The following RNF10 variants were observed in gnomAD, a reference collection of about 807,000 sequenced individuals.
The protein encoded by RNF10 is ring finger protein 10, also known as E3 ubiquitin-protein ligase RNF10.
In RNF10, 38 loss-of-function variants were observed where a neutral mutation model predicts 91.4. The observed-to-expected ratio is 0.42, with a 90% CI of 0.32 to 0.54. The LOEUF (loss-of-function observed/expected upper bound fraction) is 0.54, where lower values mean the gene tolerates loss of function less well. Among genes scored for constraint, RNF10 ranks in the 20% least tolerant of loss-of-function variants. The pLI, the probability that RNF10 is intolerant of heterozygous loss-of-function variation, is 0.16. For missense variants in RNF10, 945 were observed against 1,012.0 expected, an observed-to-expected ratio of 0.93 and a Z score of 0.90; for synonymous variants, 364 against 366.3, an observed-to-expected ratio of 0.99 and a Z score of 0.07.
At chr12:120,560,659 C>T in intron 6 of RNF10, 67 bp from the exon 7 acceptor site, 2 of 1,483,176 alleles carry the variant, frequency 1.3e-6, no homozygotes, top group Non-Finnish European at 1.8e-6. Context: ...TTTGAAAATT[C>T]CTATTTAGCT....
Position 120,577,074 on chromosome 12 carries a change from TCA to T in RNF10, c.*409_*410del, listed in dbSNP as rs1411289400. On this transcript the variant is annotated 3_prime_UTR_variant, in exon 17 of 17. Coordinates refer to ENST00000325954, the MANE Select transcript of RNF10 (RefSeq NM_014868.5). ...GGGCTTCCTGGACTCAGTACACCTC[TCA>T]GTTTGTCTTTTAAAAAACAGCTGAA... 2.7e-5 allele frequency: 11 copies of T among 412,676 alleles called. No homozygotes were observed. In the East Asian group the frequency reaches 7.0e-4, roughly 26 times the overall value. 25.6% of individuals were successfully genotyped at this position (412,676 alleles called of 1,614,324 possible). A position where few individuals can be genotyped will look rare whatever the true frequency, so the allele number is the denominator to read the frequency against.
rs566913888 is a variant in RNF10, at chr12:120,556,693, G to T, written c.646-589G>T. ...GGAAGTTACTGGTAGATTACTTCTA[G>T]ACCCTTTTTAGGCCTTTATGCATAC... On this transcript the variant is annotated intron_variant, in intron 4 of 16. Coordinates refer to ENST00000325954, the MANE Select transcript of RNF10 (RefSeq NM_014868.5). 1.9e-3 allele frequency among the ~76,000 whole-genome samples: 282 copies of T among 151,952 alleles called. 1 individual carries two copies. Among genetic ancestry groups the T allele is most frequent in the African/African-American group, 6.6e-3 (275 of 41,438 alleles).
At chr12:120,541,320 T>G (rs925289597) in intron 1 of RNF10, among the ~76,000 whole-genome samples, 1 of 152,172 alleles carries the variant, frequency 6.6e-6, no homozygotes, top group African/African-American at 2.4e-5. Flanking sequence ...TGTGTTTTCT[T>G]TATATACCTA....
At position 120,537,784 on chromosome 12, in the gene RNF10, G is replaced by T. The variant is rs1001096126; in HGVS notation, c.157+2816G>T. Among the ~76,000 whole-genome samples the T allele has an allele frequency of 2.6e-4, 40 of 152,136 alleles. 1 individual carries two copies. Among genetic ancestry groups the T allele is most frequent in the African/African-American group, 9.7e-4 (40 of 41,422 alleles). The stretch of plus-strand genomic sequence containing the variant: ...CTGTGCGTGTTCGTTTAGCAAGGAA[G>T]GATGGGCTTTGTAGCCAAATCCATG... On this transcript the variant is annotated intron_variant, in intron 1 of 16. Coordinates refer to ENST00000325954, the MANE Select transcript of RNF10 (RefSeq NM_014868.5).
At chr12:120,556,637 A>G (rs749887354) in intron 4 of RNF10, among the ~76,000 whole-genome samples, 3 of 151,964 alleles carry the variant, frequency 2.0e-5, no homozygotes, top group Non-Finnish European at 4.4e-5. Flanking sequence ...TTATTAAAAA[A>G]AAATGAAGTC....
intron 6 of RNF10, among the ~76,000 whole-genome samples, chr12:120,559,151 G>C (rs1026161117): frequency 1.5e-5 from 2 of 130,584 alleles, no homozygotes; most frequent in Non-Finnish European, 3.3e-5. Context: ...GTCTTGCTAT[G>C]TTGATAGGCT....
intron 2 of RNF10, among the ~76,000 whole-genome samples, chr12:120,548,471 A>T (rs1051795875): frequency 6.6e-6 from 1 of 152,108 alleles, no homozygotes; most frequent in East Asian, 1.9e-4. Flanking sequence ...AGTGTTGCTG[A>T]TAGGTTAAGA....
rs79207443 is a variant in RNF10, at chr12:120,560,925, T to C, written c.1128+39T>C. On this transcript the variant is annotated intron_variant, in intron 7 of 16. Transcript: ENST00000325954. ...TTGGAGATGCTAAACCTTTTCACTT[T>C]CTCGGCGTTCTGTGGTGAAAACCAG... is the stretch of plus-strand genomic sequence containing the variant. 8.5e-3 allele frequency: 13,513 copies of C among 1,594,640 alleles called. 400 individuals carry two copies. The East Asian group carries it at 0.1, about 12-fold the overall frequency.
At chr12:120,571,805 T>G (rs1876669195) in intron 14 of RNF10, among the ~76,000 whole-genome samples, 1 of 152,192 alleles carries the variant, frequency 6.6e-6, no homozygotes, top group African/African-American at 2.4e-5. Flanking sequence ...GAGCCATTTC[T>G]CTTCACTTTG....
chr12:120,571,839 T>C (rs762683304), intron 14 of RNF10, among the ~76,000 whole-genome samples: 1 of 152,176 alleles, frequency 6.6e-6, no homozygotes, highest in Non-Finnish European at 1.5e-5. Flanking sequence ...GTCTTGGTTA[T>C]ACTGCACCTA....
intron 14 of RNF10, among the ~76,000 whole-genome samples, chr12:120,573,369 C>T (rs540901186): frequency 5.3e-5 from 8 of 151,968 alleles, no homozygotes; most frequent in Admixed American, 1.3e-4. Context: ...TTTTCCCTTC[C>T]ATGGCCAGTT....
intron 1 of RNF10, among the ~76,000 whole-genome samples, chr12:120,539,984 AC>A (rs1368444875): frequency 6.6e-6 from 1 of 151,196 alleles, no homozygotes; most frequent in South Asian, 2.1e-4. Context: ...GCAGGTGTCC[AC>A]CACCACACCG....
At chr12:120,572,076 T>TTC (rs1876715619) in intron 14 of RNF10, among the ~76,000 whole-genome samples, 2 of 151,258 alleles carry the variant, frequency 1.3e-5, no homozygotes, top group African/African-American at 4.9e-5. Flanking sequence ...TTTTTTTTTT[T>TTC]CCTCTTCTCC....
At chr12:120,548,660 C>CTTTTT (rs5801391) in intron 2 of RNF10, among the ~76,000 whole-genome samples, 1 of 133,364 alleles carries the variant, frequency 7.5e-6, no homozygotes. Context: ...TTTTTTCTTT[C>CTTTTT]TTTTTTTTTT....
intron 1 of RNF10, chr12:120,539,253 T>C: frequency 2.3e-6 from 1 of 434,948 alleles, no homozygotes; most frequent in Non-Finnish European, 4.3e-6. Flanking sequence ...AGTAAATTTT[T>C]ATGAAGTCCT....
At chr12:120,543,551 C>T (rs1480393963) in intron 1 of RNF10, among the ~76,000 whole-genome samples, 1 of 152,158 alleles carries the variant, frequency 6.6e-6, no homozygotes, top group African/African-American at 2.4e-5. Context: ...CCTGTAATCC[C>T]AGCACTTTGG....
intron 2 of RNF10, among the ~76,000 whole-genome samples, chr12:120,551,297 T>G (rs1023671750): frequency 1.5e-5 from 2 of 133,070 alleles, no homozygotes; most frequent in South Asian, 2.3e-4. Context: ...AGTGTTTTTT[T>G]TTTTTTTTTT....
At chr12:120,565,795 G>T (rs1276918585) in intron 12 of RNF10, among the ~76,000 whole-genome samples, 1 of 152,202 alleles carries the variant, frequency 6.6e-6, no homozygotes, top group African/African-American at 2.4e-5. Flanking sequence ...GGGAATTGGG[G>T]CTTCGCTAAG....
intron 7 of RNF10, among the ~76,000 whole-genome samples, chr12:120,561,538 C>G (rs1441391475): frequency 6.6e-6 from 1 of 152,170 alleles, no homozygotes; most frequent in Non-Finnish European, 1.5e-5. Context: ...ACTGATCTAG[C>G]TTAGAGCAAT....
Sources: allele counts gnomAD v4.1 joint callset (sites outside exome capture counted in the v4.1 genomes callset), GRCh38; gene constraint gnomAD v4.1.1; transcripts MANE v1.5; gene names NCBI Gene and HGNC (gene_info 2026-07-23, HGNC 2026-07-21).